Variants in RGS5 observed in about 807,000 individuals in gnomAD.
RGS5 encodes regulator of G-protein signalling 5.
A neutral mutation model predicts 18.9 loss-of-function variants in RGS5; 20 were observed. The observed-to-expected ratio is 1.06, with a 90% confidence interval of 0.74 to 1.54. The LOEUF (loss-of-function observed/expected upper bound fraction) is 1.54, where lower values mean the gene tolerates loss of function less well. Ranked by LOEUF, RGS5 falls within the 40% of genes most tolerant of loss-of-function variation. The pLI is 0.00. For synonymous variants in RGS5, 57 were observed against 76.2 expected (o/e 0.75, Z 1.31); for missense variants, 201 against 211.8 (o/e 0.95, Z 0.32).
Position 163,142,817 on chromosome 1 carries a change from G to GGGAGGAACAGGGGCAAGGTGT in RGS5, c.*4524_*4525insACACCTTGCCCCTGTTCCTCC, listed in dbSNP as rs1557875014. 3 of 152,022 alleles carry GGGAGGAACAGGGGCAAGGTGT rather than the reference G, an allele frequency of 2.0e-5. No individual in the cohort carries two copies. The highest frequency in any genetic ancestry group is 7.2e-5 in the African/African-American group (3 of 41,404). 9.4% of individuals were successfully genotyped at this position (152,022 alleles called of 1,614,324 possible). ...GGAAGGGAGGAACAGGGGCAAGGTG[G>GGGAGGAACAGGGGCAAGGTGT]GGAGGAAAAAAATACCTCAGGTGAG... On this transcript the variant is annotated 3_prime_UTR_variant, in exon 5 of 5. Transcript: ENST00000313961.
intron 1 of RGS5, among the ~76,000 whole-genome samples, chr1:163,194,106 A>G (rs1001019979): frequency 6.6e-6 from 1 of 152,204 alleles, no homozygotes. Flanking sequence ...AAATTGTACA[A>G]GAAACCGAGA....
At chr1:163,168,405 C>A (rs781594928) in intron 1 of RGS5, 37 bp from the exon 2 acceptor site, 1 of 1,385,742 alleles carries the variant, frequency 7.2e-7, no homozygotes, top group Non-Finnish European at 1.0e-6. Context: ...GAGGACACCA[C>A]ATGTGCATAC....
intron 2 of RGS5, among the ~76,000 whole-genome samples, chr1:163,249,078 A>T (rs1648027928): frequency 6.6e-6 from 1 of 152,214 alleles, no homozygotes; most frequent in Non-Finnish European, 1.5e-5. Flanking sequence ...AACTGAATAA[A>T]CATTCTTTAA....
rs770237874 is a variant in RGS5 at position 163,152,695 on chromosome 1, CTT to C, written c.237_238del (p.Ser80PhefsTer5). ...CTCACTGAATTCAGACTTCAGGAAACTTTTGAAACTGGCAAGTCCATCTGGAA... is the reference window on the plus strand; with the variant it reads ...CTCACTGAATTCAGACTTCAGGAAACTTGAAACTGGCAAGTCCATCTGGAA... On this transcript the variant is annotated frameshift_variant, in exon 4 of 5. Coordinates refer to ENST00000313961, the MANE Select transcript of RGS5 (RefSeq NM_003617.4). LOFTEE classifies it high-confidence loss of function. The C allele has an allele frequency of 6.3e-7, 1 of 1,595,092 alleles. No individual in the cohort carries two copies. Among genetic ancestry groups the C allele is most frequent in the Non-Finnish European group, 8.5e-7 (1 of 1,173,120 alleles).
At chr1:163,281,366 T>C (rs1648986824) in intron 2 of RGS5, among the ~76,000 whole-genome samples, 1 of 152,160 alleles carries the variant, frequency 6.6e-6, no homozygotes, top group Non-Finnish European at 1.5e-5. Flanking sequence ...AGCATGATGC[T>C]AGCATCTGCT....
intron 2 of RGS5, among the ~76,000 whole-genome samples, chr1:163,258,033 C>A (rs939839596): frequency 6.6e-6 from 1 of 152,182 alleles, no homozygotes; most frequent in Non-Finnish European, 1.5e-5. Context: ...GTGTTCCCAC[C>A]AGCTCAGGCC....
At chr1:163,312,305 T>C (rs1649889624) in intron 1 of RGS5, among the ~76,000 whole-genome samples, 1 of 152,260 alleles carries the variant, frequency 6.6e-6, no homozygotes, top group Non-Finnish European at 1.5e-5. Flanking sequence ...CTAAACTGCT[T>C]TTCTTTATAA....
chr1:163,198,968 C>A (rs1471519241), intron 1 of RGS5, among the ~76,000 whole-genome samples: 2 of 151,972 alleles, frequency 1.3e-5, no homozygotes, highest in Non-Finnish European at 2.9e-5. Context: ...TGTGCCTGGC[C>A]AATAGTAACA....
At chr1:163,181,486 C>T (rs1658845463) in intron 1 of RGS5, among the ~76,000 whole-genome samples, 1 of 152,118 alleles carries the variant, frequency 6.6e-6, no homozygotes, top group African/African-American at 2.4e-5. Context: ...TTTGCATCCC[C>T]CCATTTTAAA....
chr1:163,290,653 C>CAAA (rs66595263), intron 2 of RGS5, among the ~76,000 whole-genome samples: 4 of 128,700 alleles, frequency 3.1e-5, no homozygotes, highest in African/African-American at 8.4e-5. Flanking sequence ...CAGCTCATAC[C>CAAA]AAAAAAAAAA....
At chr1:163,173,613 A>C (rs1260279790) in intron 1 of RGS5, among the ~76,000 whole-genome samples, 1 of 152,246 alleles carries the variant, frequency 6.6e-6, no homozygotes, top group African/African-American at 2.4e-5. Flanking sequence ...TTCCACCAGA[A>C]TGTGTGAAGA....
chr1:163,225,628 CTTAT>C (rs1647316278), intron 2 of RGS5, among the ~76,000 whole-genome samples: 1 of 151,956 alleles, frequency 6.6e-6, no homozygotes. Context: ...CCTTGCAGGA[CTTAT>C]TATTATGTAA....
chr1:163,286,038 C>CTA (rs141052494), intron 2 of RGS5, among the ~76,000 whole-genome samples: 186 of 149,252 alleles, frequency 1.2e-3, no homozygotes, highest in Middle Eastern at 3.5e-3. Flanking sequence ...ACACACCCCA[C>CTA]TATATATATA....
intron 2 of RGS5, among the ~76,000 whole-genome samples, chr1:163,245,634 T>G (rs2101694249): frequency 6.6e-6 from 1 of 152,306 alleles, no homozygotes; most frequent in African/African-American, 2.4e-5. Flanking sequence ...GTTTTACCAC[T>G]TAGTACCTGT....
chr1:163,267,136 G>A (rs1648591066), intron 2 of RGS5: 2 of 152,048 alleles, frequency 1.3e-5, no homozygotes, highest in Non-Finnish European at 2.9e-5. Flanking sequence ...GGAAGGTATT[G>A]GGATTAGATA....
At chr1:163,193,833 T>G (rs1659452921) in intron 1 of RGS5, among the ~76,000 whole-genome samples, 1 of 152,112 alleles carries the variant, frequency 6.6e-6, no homozygotes, top group Non-Finnish European at 1.5e-5. Context: ...GGATGAAAAC[T>G]TTTCCACTGT....
At chr1:163,304,981 T>A (rs1343358948) in intron 2 of RGS5, 1 of 152,276 alleles carries the variant, frequency 6.6e-6, no homozygotes, top group Non-Finnish European at 1.5e-5. Context: ...AACCATGCTA[T>A]CTTAAACTTT....
chr1:163,316,975 A>G (rs2345029), intron 1 of RGS5, among the ~76,000 whole-genome samples: 63,243 of 152,038 alleles, frequency 0.42, 13,648 homozygotes, highest in South Asian at 0.5. Context: ...CCAGCCCTGT[A>G]TAATAGTGGA....
chr1:163,169,028 A>C, intron 1 of RGS5, among the ~76,000 whole-genome samples: 2 of 101,556 alleles, frequency 2.0e-5, no homozygotes, highest in Non-Finnish European at 2.0e-5. Flanking sequence ...CTACCCCACA[A>C]CAGTCCCTGG....
Sources: allele counts gnomAD v4.1 joint callset (sites outside exome capture counted in the v4.1 genomes callset), GRCh38; gene constraint gnomAD v4.1.1; transcripts MANE v1.5; gene names NCBI Gene and HGNC (gene_info 2026-07-23, HGNC 2026-07-21).